ZC3H15: variants seen among roughly 807,000 people sequenced by gnomAD.
ZC3H15 encodes zinc finger CCCH-type containing 15.
Under a neutral mutation model 51.2 loss-of-function variants are expected in ZC3H15, and 15 were observed. That is an observed-to-expected ratio of 0.29 (90% CI 0.20 to 0.45). The LOEUF is 0.45. Ranked by LOEUF, ZC3H15 falls within the 20% of genes least tolerant of loss-of-function variation. ZC3H15 has a pLI of 1.00. For missense variants in ZC3H15, 381 were observed against 494.7 expected, an observed-to-expected ratio of 0.77 and a Z score of 2.18; for synonymous variants, 144 against 162.8, an observed-to-expected ratio of 0.88 and a Z score of 0.88.
intron 3 of ZC3H15, chr2:186,500,662 T>G (rs1470868950): frequency 8.6e-6 from 4 of 467,782 alleles, no homozygotes; most frequent in East Asian, 1.3e-4. Flanking sequence ...TTTTTTGCCT[T>G]TTTTTGTTTT....
At chr2:186,487,587 T>C (rs1685121620) in intron 1 of ZC3H15, among the ~76,000 whole-genome samples, 1 of 152,232 alleles carries the variant, frequency 6.6e-6, no homozygotes. Context: ...AAAACTGTCA[T>C]GAAGTACTAT....
At chr2:186,492,252 TA>T (rs1172187657) in intron 1 of ZC3H15, among the ~76,000 whole-genome samples, 1 of 152,210 alleles carries the variant, frequency 6.6e-6, no homozygotes, top group African/African-American at 2.4e-5. Flanking sequence ...TCACTTTTTG[TA>T]AAGGAAAAGT....
chr2:186,498,321 C>G (rs1232198200), intron 2 of ZC3H15, among the ~76,000 whole-genome samples: 2 of 152,070 alleles, frequency 1.3e-5, no homozygotes, highest in South Asian at 4.1e-4. Context: ...TCCATGGAGT[C>G]TGAGCATTTT....
At chr2:186,498,849 C>T (rs1490740981) in intron 2 of ZC3H15, among the ~76,000 whole-genome samples, 1 of 152,144 alleles carries the variant, frequency 6.6e-6, no homozygotes. Context: ...TAATTGTTAC[C>T]TGTAAGCTGC....
At chr2:186,500,925 G>A (rs928566657) in intron 3 of ZC3H15, among the ~76,000 whole-genome samples, 2 of 152,072 alleles carry the variant, frequency 1.3e-5, no homozygotes, top group South Asian at 2.1e-4. Flanking sequence ...TGTCTGCCTC[G>A]GCCTCCCAGA....
intron 8 of ZC3H15, chr2:186,506,093 C>T (rs1685462783): frequency 1.4e-5 from 8 of 553,488 alleles, no homozygotes; most frequent in Non-Finnish European, 2.3e-5. Context: ...AGGACAGTGC[C>T]TAGTATGTGG....
rs112632752 is a variant in ZC3H15 at position 186,486,293 on chromosome 2, C to G, written c.-90C>G. 1 of 1,330,854 alleles carries G rather than the reference C, an allele frequency of 7.5e-7. No individual in the cohort carries two copies. Among genetic ancestry groups the G allele is most frequent in the Non-Finnish European group, 9.9e-7 (1 of 1,015,022 alleles). 82.4% of individuals were successfully genotyped at this position (1,330,854 alleles called of 1,614,324 possible). On this transcript the variant is annotated 5_prime_UTR_variant, in exon 1 of 10. Coordinates refer to ENST00000337859, the MANE Select transcript of ZC3H15 (RefSeq NM_018471.3). ...TTCCGTGCGGTGCGGCGAGTGAGGC[C>G]CCGGTCTTCCTCCTCGTCCTGCCGC...
intron 2 of ZC3H15, among the ~76,000 whole-genome samples, chr2:186,495,553 T>G (rs1685268181): frequency 6.6e-6 from 1 of 152,212 alleles, no homozygotes; most frequent in Non-Finnish European, 1.5e-5. Flanking sequence ...TTGCATGCCG[T>G]TCTACAGTAC....
chr2:186,487,385 A>AT (rs1172388015), intron 1 of ZC3H15: 1 of 152,218 alleles, frequency 6.6e-6, no homozygotes, highest in Non-Finnish European at 1.5e-5. Flanking sequence ...GATTTCTGCT[A>AT]TTAATCCTCC....
chr2:186,499,633 A>C, intron 2 of ZC3H15: 1 of 451,244 alleles, frequency 2.2e-6, no homozygotes, highest in South Asian at 1.6e-5. Context: ...TGACGTATAA[A>C]TGTTTGGATG....
At position 186,504,222 on chromosome 2, in the gene ZC3H15, G is replaced by T; in HGVS notation, c.717+8G>T. ...GATCTAATTGAGAGAGAGGTAACTG[G>T]TATCCTTTTCCTACCATAAAAACTG... On this transcript the variant is annotated splice_region_variant and intron_variant, in intron 6 of 9. Coordinates refer to ENST00000337859, the MANE Select transcript of ZC3H15 (RefSeq NM_018471.3). The T allele has an allele frequency of 2.6e-6, 4 of 1,546,808 alleles. No homozygotes were observed. The highest frequency in any genetic ancestry group is 3.5e-6 in the Non-Finnish European group (4 of 1,146,148).
At chr2:186,501,843 C>T (rs1243356561) in intron 4 of ZC3H15, among the ~76,000 whole-genome samples, 1 of 151,932 alleles carries the variant, frequency 6.6e-6, no homozygotes, top group Non-Finnish European at 1.5e-5. Flanking sequence ...TCCCAAGTAG[C>T]TGGGTCTACA....
intron 5 of ZC3H15, among the ~76,000 whole-genome samples, chr2:186,503,668 A>G (rs73040033): frequency 1.3e-5 from 2 of 152,340 alleles, no homozygotes; most frequent in Admixed American, 6.5e-5. Flanking sequence ...GGTGTAAGCC[A>G]CAACGCCTGG....
intron 1 of ZC3H15, 68 bp downstream of exon 1, chr2:186,486,525 TC>T: frequency 3.4e-6 from 5 of 1,479,994 alleles, no homozygotes; most frequent in Non-Finnish European, 4.5e-6. Flanking sequence ...GCTCCGGGCT[TC>T]CCTGGGAGCC....
intron 2 of ZC3H15, among the ~76,000 whole-genome samples, chr2:186,499,091 C>G (rs566383996): frequency 5.3e-5 from 8 of 152,270 alleles, no homozygotes; most frequent in Non-Finnish European, 8.8e-5. Flanking sequence ...ATTCCTCCCC[C>G]TTTATACTTC....
At chr2:186,496,831 A>G (rs1685289977) in intron 2 of ZC3H15, among the ~76,000 whole-genome samples, 1 of 152,214 alleles carries the variant, frequency 6.6e-6, no homozygotes, top group African/African-American at 2.4e-5. Context: ...GAAAAGATAG[A>G]GTAAAAATAT....
chr2:186,490,884 C>T (rs995848253), intron 1 of ZC3H15, among the ~76,000 whole-genome samples: 3 of 152,204 alleles, frequency 2.0e-5, no homozygotes, highest in African/African-American at 7.2e-5. Flanking sequence ...CACATAAACA[C>T]GCAGTTCCTT....
In ZC3H15 at chr2:186,508,054, G is replaced by GT. The variant is rs960099204; in HGVS notation, c.1091-480dup. Among the ~76,000 whole-genome samples the GT allele has an allele frequency of 4.1e-3, 614 of 151,268 alleles. 17 individuals are homozygous for GT. Among genetic ancestry groups the GT allele is most frequent in the Middle Eastern group, 3.4e-3 (1 of 294 alleles). On this transcript the variant is annotated intron_variant, in intron 9 of 9. Transcript: ENST00000337859. ...AGAAAAAGTAGCTGTATAGCACTATGTTTTTTTTTAACAATTTGATTACAT... is the reference window on the plus strand; with the variant it reads ...AGAAAAAGTAGCTGTATAGCACTATGTTTTTTTTTTAACAATTTGATTACAT...
intron 2 of ZC3H15, among the ~76,000 whole-genome samples, chr2:186,498,796 C>T (rs1685329521): frequency 6.6e-6 from 1 of 152,098 alleles, no homozygotes; most frequent in Admixed American, 6.5e-5. Flanking sequence ...TTTACTCTTG[C>T]CACTTTTTTA....
Sources: gnomAD v4.1 joint callset for allele counts (sites outside exome capture counted in the v4.1 genomes callset) on GRCh38, gnomAD v4.1.1 for gene constraint, MANE v1.5 for transcripts, NCBI Gene and HGNC (gene_info 2026-07-23, HGNC 2026-07-21) for gene names.